The following ADAMTSL3 variants were observed in gnomAD, a reference collection of about 807,000 sequenced individuals.
The protein encoded by ADAMTSL3 is ADAMTS like 3.
Under a neutral mutation model 201.7 loss-of-function variants are expected in ADAMTSL3, and 128 were observed. The observed-to-expected ratio is 0.63, with a 90% CI of 0.55 to 0.73. The LOEUF (loss-of-function observed/expected upper bound fraction) is 0.73. ADAMTSL3 is among the 30% of genes least tolerant of loss of function. ADAMTSL3 has a pLI of 0.00. For missense variants in ADAMTSL3, 1,990 were observed against 2,119.6 expected, an observed-to-expected ratio of 0.94 and a Z score of 1.20; for synonymous variants, 738 against 748.4, an observed-to-expected ratio of 0.99 and a Z score of 0.23.
At chr15:83,664,058 G>A (rs2061214061) in intron 2 of ADAMTSL3, among the ~76,000 whole-genome samples, 1 of 152,172 alleles carries the variant, frequency 6.6e-6, no homozygotes, top group Admixed American at 6.5e-5. Context: ...AGAGGCTCCT[G>A]CCTGGGGGTT....
chr15:83,728,616 G>A lies in ADAMTSL3; in HGVS notation c.189+24108G>A, dbSNP rs548788985. Among the ~76,000 whole-genome samples the A allele has an allele frequency of 9.2e-5, 14 of 152,018 alleles. No individual in the cohort carries two copies. The East Asian group carries it at 2.7e-3, about 29-fold the overall frequency. ...ACTGATTGCATAAACAAACTGACAAGCAAAGAGAAAACCAACATAAATTCT... is the reference window on the plus strand; with the variant it reads ...ACTGATTGCATAAACAAACTGACAAACAAAGAGAAAACCAACATAAATTCT... On this transcript the variant is annotated intron_variant, in intron 3 of 29. Transcript: ENST00000286744.
At chr15:83,861,490 G>A (rs571592663) in intron 8 of ADAMTSL3, 92 of 173,164 alleles carry the variant, frequency 5.3e-4, no homozygotes, top group African/African-American at 1.9e-3. Context: ...TGCAGCCTCC[G>A]CTGCTGATAC....
intron 7 of ADAMTSL3, among the ~76,000 whole-genome samples, chr15:83,844,325 G>A (rs1389477642): frequency 6.6e-6 from 1 of 151,716 alleles, no homozygotes; most frequent in Non-Finnish European, 1.5e-5. Flanking sequence ...GCCTCACAGT[G>A]TAATTCTTAA....
chr15:83,729,578 G>A (rs1199857490), intron 3 of ADAMTSL3, among the ~76,000 whole-genome samples: 2 of 151,620 alleles, frequency 1.3e-5, no homozygotes, highest in African/African-American at 4.8e-5. Context: ...GCATTTTTCA[G>A]CTCCAGAACT....
chr15:83,934,540 G>A (rs2066426075), intron 17 of ADAMTSL3, among the ~76,000 whole-genome samples: 2 of 152,158 alleles, frequency 1.3e-5, no homozygotes, highest in South Asian at 4.1e-4. Flanking sequence ...AAGCTTTGGG[G>A]ACTGTGGGAA....
intron 3 of ADAMTSL3, among the ~76,000 whole-genome samples, chr15:83,732,281 T>C (rs1450133051): frequency 6.6e-6 from 1 of 152,104 alleles, no homozygotes; most frequent in African/African-American, 2.4e-5. Flanking sequence ...CAGACTGTAA[T>C]GTGTGTTTTC....
At chr15:83,862,686 T>TGCC (rs2064890990) in intron 8 of ADAMTSL3, 1 of 151,746 alleles carries the variant, frequency 6.6e-6, no homozygotes, top group East Asian at 1.9e-4. Context: ...TAAATACCAT[T>TGCC]GATGCTAGGA....
At chr15:83,868,615 T>C (rs1001191643) in intron 8 of ADAMTSL3, among the ~76,000 whole-genome samples, 5 of 152,176 alleles carry the variant, frequency 3.3e-5, no homozygotes, top group African/African-American at 1.2e-4. Context: ...ACAATTGAGG[T>C]CAAAACACCT....
chr15:83,960,275 C>G (rs551687618), intron 19 of ADAMTSL3, among the ~76,000 whole-genome samples: 1 of 152,268 alleles, frequency 6.6e-6, no homozygotes, highest in African/African-American at 2.4e-5. Context: ...AGAAGGAACA[C>G]TGTGTCTTCA....
intron 5 of ADAMTSL3, among the ~76,000 whole-genome samples, chr15:83,807,918 G>A (rs2063626028): frequency 2.0e-5 from 3 of 152,152 alleles, no homozygotes; most frequent in Admixed American, 2.0e-4. Context: ...ACTGTGCTGG[G>A]AAAATTGGAT....
chr15:83,967,546 T>C (rs1160892097), intron 19 of ADAMTSL3, among the ~76,000 whole-genome samples: 2 of 152,138 alleles, frequency 1.3e-5, no homozygotes, highest in Admixed American at 1.3e-4. Flanking sequence ...CACAAACAAA[T>C]GGAAAAACAT....
chr15:83,988,566 T>C (rs2067524214), intron 21 of ADAMTSL3, 125 bp from the exon 22 acceptor site: 1 of 783,850 alleles, frequency 1.3e-6, no homozygotes, highest in African/African-American at 1.8e-5. Flanking sequence ...TGGACAAAAT[T>C]ATCCTTTGTG....
intron 2 of ADAMTSL3, among the ~76,000 whole-genome samples, chr15:83,697,297 G>C (rs1311348868): frequency 6.6e-6 from 1 of 152,158 alleles, no homozygotes; most frequent in Non-Finnish European, 1.5e-5. Context: ...CACAGCACTT[G>C]TGTGGAGGTA....
At chr15:83,865,282 C>G (rs546258524) in intron 8 of ADAMTSL3, among the ~76,000 whole-genome samples, 1 of 152,254 alleles carries the variant, frequency 6.6e-6, no homozygotes, top group African/African-American at 2.4e-5. Flanking sequence ...TCATATGGAA[C>G]CAAAAAGAGC....
intron 10 of ADAMTSL3, among the ~76,000 whole-genome samples, chr15:83,888,183 T>A (rs1461471220): frequency 1.3e-5 from 2 of 152,182 alleles, no homozygotes; most frequent in Non-Finnish European, 2.9e-5. Flanking sequence ...GAAGGGAGAT[T>A]TTAGGCTGCT....
intron 16 of ADAMTSL3, among the ~76,000 whole-genome samples, chr15:83,917,142 T>C (rs774656436): frequency 3.9e-5 from 6 of 152,248 alleles, no homozygotes; most frequent in Non-Finnish European, 5.9e-5. Flanking sequence ...ATATATTTAT[T>C]TCTTCAACAT....
chr15:83,742,405 T>C (rs1381142982), intron 3 of ADAMTSL3, among the ~76,000 whole-genome samples: 2 of 151,962 alleles, frequency 1.3e-5, no homozygotes, highest in Non-Finnish European at 2.9e-5. Flanking sequence ...TTCCAACTTA[T>C]GACAGTAGAA....
intron 7 of ADAMTSL3, among the ~76,000 whole-genome samples, chr15:83,838,992 A>G (rs2064326448): frequency 6.6e-6 from 1 of 152,230 alleles, no homozygotes; most frequent in Admixed American, 6.5e-5. Flanking sequence ...AACTTTATTT[A>G]CAAATGTAGC....
chr15:83,887,323 T>G (rs1374823699), intron 10 of ADAMTSL3, among the ~76,000 whole-genome samples: 2 of 152,184 alleles, frequency 1.3e-5, no homozygotes, highest in Non-Finnish European at 2.9e-5. Context: ...TTATTCAACT[T>G]AAATAAACAT....
Sources: gnomAD v4.1 joint callset for allele counts (sites outside exome capture counted in the v4.1 genomes callset) on GRCh38, gnomAD v4.1.1 for gene constraint, MANE v1.5 for transcripts, NCBI Gene and HGNC (gene_info 2026-07-23, HGNC 2026-07-21) for gene names.